Variants in SYT7 observed in about 807,000 individuals in gnomAD.
SYT7 encodes the protein synaptotagmin-7.
A neutral mutation model predicts 75.1 loss-of-function variants in SYT7; 29 were observed. That is an observed-to-expected ratio of 0.39 (90% CI 0.29 to 0.53). SYT7 has a LOEUF of 0.53. Among genes scored for constraint, SYT7 ranks in the 20% least tolerant of loss-of-function variants. SYT7 has a pLI of 0.77. For missense variants in SYT7, 693 were observed against 953.2 expected (o/e 0.73, Z 3.59); for synonymous variants, 376 against 401.7 (o/e 0.94, Z 0.76).
intron 1 of SYT7, among the ~76,000 whole-genome samples, chr11:61,563,416 G>C (rs2135389413): frequency 1.3e-5 from 2 of 152,304 alleles, no homozygotes; most frequent in South Asian, 4.1e-4. Context: ...AACATTAGTT[G>C]AGTGCACACA....
At chr11:61,540,462 G>C in intron 6 of SYT7, 1 of 953,048 alleles carries the variant, frequency 1.0e-6, no homozygotes, top group East Asian at 1.2e-4. Context: ...CATGCCTCTT[G>C]CAAAGCCTAA....
chr11:61,526,277 C>T (rs550510323), intron 9 of SYT7: 1 of 152,174 alleles, frequency 6.6e-6, no homozygotes, highest in Non-Finnish European at 1.5e-5. Context: ...CCAGGGGACC[C>T]TTGGCATCAA....
chr11:61,568,577 G>A (rs2063837063), intron 1 of SYT7, among the ~76,000 whole-genome samples: 1 of 152,180 alleles, frequency 6.6e-6, no homozygotes, highest in Non-Finnish European at 1.5e-5. Flanking sequence ...GCTCAGGCTG[G>A]TGCAGCCAGC....
At chr11:61,550,718 C>T (rs1253091410) in intron 3 of SYT7, among the ~76,000 whole-genome samples, 1 of 152,166 alleles carries the variant, frequency 6.6e-6, no homozygotes, top group African/African-American at 2.4e-5. Flanking sequence ...GGGGACTTCT[C>T]TTGGTGTCTC....
At chr11:61,533,723 G>A (rs2062780595) in intron 7 of SYT7, 1 of 964,162 alleles carries the variant, frequency 1.0e-6, no homozygotes, top group Non-Finnish European at 1.2e-6. Context: ...CTGTCCAGTG[G>A]AGCAGCCACA....
At position 61,515,835 on chromosome 11, in the gene SYT7, CG is replaced by C. The variant is rs536076377; in HGVS notation, c.*2791del. 1.3e-5 allele frequency: 2 copies of C among 152,670 alleles called. No individual in the cohort carries two copies. The highest frequency in any genetic ancestry group is 3.9e-4 in the East Asian group (2 of 5,178). 9.5% of individuals were successfully genotyped at this position (152,670 alleles called of 1,614,324 possible). Reference sequence around the variant, plus strand: ...AAGGGCCTGCGACAGAGTGAAGAGACGGATGGGCCTGCGTTGGCCTCAGCTA... The same window carrying C: ...AAGGGCCTGCGACAGAGTGAAGAGACGATGGGCCTGCGTTGGCCTCAGCTA... On this transcript the variant is annotated 3_prime_UTR_variant, in exon 13 of 13. Transcript: ENST00000539008.
chr11:61,531,249 G>A (rs2062696910), intron 8 of SYT7, among the ~76,000 whole-genome samples: 1 of 152,242 alleles, frequency 6.6e-6, no homozygotes, highest in African/African-American at 2.4e-5. Flanking sequence ...AGGAGAGGGA[G>A]ATGAGGCCTG....
chr11:61,538,346 G>GAGAGAGAGA, intron 6 of SYT7, 80 bp from the exon 7 acceptor site: 5 of 198,056 alleles, frequency 2.5e-5, no homozygotes, highest in Non-Finnish European at 4.3e-5. Context: ...GGAGAGAGAG[G>GAGAGAGAGA]GAGAGAGAGA....
At chr11:61,537,348 C>T (rs2062897860) in intron 7 of SYT7, among the ~76,000 whole-genome samples, 1 of 152,110 alleles carries the variant, frequency 6.6e-6, no homozygotes, top group African/African-American at 2.4e-5. Flanking sequence ...CACCCCCTCC[C>T]TGAGACGGAG....
At chr11:61,531,059 C>G in intron 8 of SYT7, 1 of 985,456 alleles carries the variant, frequency 1.0e-6, no homozygotes, top group African/African-American at 1.7e-5. Flanking sequence ...GTGCTTAACT[C>G]TTGTCTCTTG....
upstream of SYT7, among the ~76,000 whole-genome samples, chr11:61,581,930 A>G (rs184191661): frequency 6.6e-6 from 1 of 151,970 alleles, no homozygotes; most frequent in East Asian, 1.9e-4. Context: ...TCAGGTGAAC[A>G]CTCATTTCTC....
At chr11:61,532,172 T>G (rs772178854) in intron 8 of SYT7, among the ~76,000 whole-genome samples, 1 of 152,164 alleles carries the variant, frequency 6.6e-6, no homozygotes, top group Non-Finnish European at 1.5e-5. Flanking sequence ...TCCAAGGAGA[T>G]GAAGTGTCCC....
intron 3 of SYT7, among the ~76,000 whole-genome samples, chr11:61,550,620 C>T (rs2063320706): frequency 6.6e-6 from 1 of 152,122 alleles, no homozygotes; most frequent in South Asian, 2.1e-4. Flanking sequence ...GGGCTGGGGC[C>T]ACTGGCCAGT....
rs1435070536 is a variant in SYT7, at chr11:61,524,992, C to T, written c.1472-460G>A. On this transcript the variant is annotated intron_variant, in intron 9 of 12. Coordinates refer to ENST00000539008, the MANE Select transcript of SYT7 (RefSeq NM_001365809.2). This position sits in a 1 kb window ranked among gnomAD's most constrained non-coding sequence, Gnocchi z 4.1. The stretch of plus-strand genomic sequence containing the variant: ...AGGGCAGAGGGACATGGGGAAGCAT[C>T]GGTGGGAGGGAAAAGGCAAAGGCAC... Among the ~76,000 whole-genome samples, 3 of 152,196 alleles carry T rather than the reference C, an allele frequency of 2.0e-5. No individual in the cohort carries two copies. The highest frequency in any genetic ancestry group is 4.4e-5 in the Non-Finnish European group (3 of 68,020).
intron 4 of SYT7, 95 bp downstream of exon 4, chr11:61,547,082 G>T: frequency 7.1e-7 from 1 of 1,412,858 alleles, no homozygotes; most frequent in Non-Finnish European, 9.5e-7. Context: ...GAGAGAGGGA[G>T]TGAGCGGGTC....
At position 61,538,219 on chromosome 11, in the gene SYT7, T is replaced by G; in HGVS notation, c.989A>C (p.Gln330Pro). ...VLSLVLGLSE[Q>P]DDFANIPDLQ... ...GTCAGGGATATTGGCAAAGTCATCC[T>G]GTTCCGAAAGCCCTAAGACCAAGGA... is the stretch of plus-strand genomic sequence containing the variant. Residue 330 changes from glutamine (Q) to proline (P), a missense_variant, in exon 7 of 13, where the codon CAG (glutamine) becomes CCG (proline). Physicochemically the swap from Gln to Pro is moderately conservative, Grantham distance 76. Transcript: ENST00000539008. The G allele has an allele frequency of 1.3e-6, 2 of 1,536,050 alleles. No individual in the cohort carries two copies. Among genetic ancestry groups the G allele is most frequent in the Non-Finnish European group, 1.7e-6 (2 of 1,146,866 alleles).
intron 7 of SYT7, among the ~76,000 whole-genome samples, chr11:61,535,723 G>C (rs980013558): frequency 1.6e-4 from 25 of 152,278 alleles, no homozygotes; most frequent in African/African-American, 6.0e-4. Context: ...CCTCCTCCCG[G>C]GACGCTGTCT....
At chr11:61,549,927 A>G (rs1232273220) in intron 3 of SYT7, among the ~76,000 whole-genome samples, 1 of 151,964 alleles carries the variant, frequency 6.6e-6, no homozygotes, top group East Asian at 1.9e-4. Flanking sequence ...ACCCCTATCC[A>G]GGAAGGTTAT....
rs975956276 is a variant in SYT7 at position 61,515,775 on chromosome 11, A to T, written c.*2852T>A. Reference sequence around the variant, plus strand: ...CCAGGACAAGATAAGGACTAAGTCTAGGGCACCCACAAAGATGGCAGACGA... The same window carrying T: ...CCAGGACAAGATAAGGACTAAGTCTTGGGCACCCACAAAGATGGCAGACGA... On this transcript the variant is annotated 3_prime_UTR_variant, in exon 13 of 13. Coordinates refer to ENST00000539008, the MANE Select transcript of SYT7 (RefSeq NM_001365809.2). The T allele has an allele frequency of 1.3e-5, 2 of 152,678 alleles. No homozygotes were observed. Among genetic ancestry groups the T allele is most frequent in the Admixed American group, 6.5e-5 (1 of 15,282 alleles). The allele number at this position is 152,678 out of a possible 1,614,324, so 9.5% of individuals were successfully genotyped here.
Sources: gnomAD v4.1 joint callset for allele counts (sites outside exome capture counted in the v4.1 genomes callset) on GRCh38, gnomAD v4.1.1 for gene constraint, Gnocchi (gnomAD v3.1) non-coding constraint, MANE v1.5 for transcripts, NCBI Gene and HGNC (gene_info 2026-07-23, HGNC 2026-07-21) for gene names.